EYA4: variants seen among roughly 807,000 people sequenced by gnomAD.
EYA4 encodes protein phosphatase EYA4.
In EYA4, 31 loss-of-function variants were observed where a neutral mutation model predicts 87.9. The ratio of observed to expected loss-of-function variants is 0.35; its 90% CI spans 0.27 to 0.48. The LOEUF (loss-of-function observed/expected upper bound fraction) is 0.48, where lower values mean the gene tolerates loss of function less well. Ranked by LOEUF, EYA4 falls within the 20% of genes least tolerant of loss-of-function variation. The probability of loss-of-function intolerance (pLI) is 0.99; values close to 1 mark genes in which losing one functional copy is unlikely to be tolerated. For synonymous variants in EYA4, 263 were observed against 270.6 expected (o/e 0.97, Z 0.28); for missense variants, 678 against 761.4 (o/e 0.89, Z 1.29).
intron 11 of EYA4, among the ~76,000 whole-genome samples, chr6:133,477,332 C>T (rs1490332721): frequency 6.6e-6 from 1 of 152,036 alleles, no homozygotes; most frequent in Non-Finnish European, 1.5e-5. Flanking sequence ...GGTGGTATCT[C>T]ATTGTAGTTT....
intron 3 of EYA4, among the ~76,000 whole-genome samples, chr6:133,443,681 A>C (rs1300912026): frequency 6.6e-6 from 1 of 152,046 alleles, no homozygotes; most frequent in Non-Finnish European, 1.5e-5. Flanking sequence ...ATTAATCACT[A>C]CTTTATTTAC....
At chr6:133,477,755 T>A (rs2128698490) in intron 11 of EYA4, among the ~76,000 whole-genome samples, 1 of 152,056 alleles carries the variant, frequency 6.6e-6, no homozygotes, top group South Asian at 2.1e-4. Context: ...AGTTTCTCCA[T>A]TATTAAAAGA....
At chr6:133,493,209 A>T (rs1406166114) in intron 13 of EYA4, among the ~76,000 whole-genome samples, 3 of 152,244 alleles carry the variant, frequency 2.0e-5, no homozygotes, top group Admixed American at 6.5e-5. Context: ...ACACAAAGTG[A>T]TAGTAACAAA....
At chr6:133,243,654 C>CTT (rs200732942) in intron 1 of EYA4, among the ~76,000 whole-genome samples, 25,933 of 134,060 alleles carry the variant, frequency 0.19, 2,565 homozygotes, top group Non-Finnish European at 0.22. Flanking sequence ...GAATCAGTGC[C>CTT]TTTTTTTTTT....
intron 2 of EYA4, among the ~76,000 whole-genome samples, chr6:133,299,629 G>A (rs1331022233): frequency 1.3e-5 from 2 of 151,548 alleles, no homozygotes; most frequent in South Asian, 2.1e-4. Flanking sequence ...GGAGAATGGC[G>A]TGAACCCGGG....
At chr6:133,350,762 A>G (rs1217328638) in intron 2 of EYA4, among the ~76,000 whole-genome samples, 1 of 152,034 alleles carries the variant, frequency 6.6e-6, no homozygotes, top group Non-Finnish European at 1.5e-5. Flanking sequence ...TGTGCTATTA[A>G]TCCAGTCCAA....
chr6:133,378,519 T>C (rs998770113), intron 2 of EYA4, among the ~76,000 whole-genome samples: 2 of 152,086 alleles, frequency 1.3e-5, no homozygotes, highest in South Asian at 2.1e-4. Context: ...TGTTTATGAA[T>C]TTTAGGTTCT....
intron 18 of EYA4, 28 bp downstream of exon 18, chr6:133,523,205 G>A: frequency 6.2e-7 from 1 of 1,607,228 alleles, no homozygotes; most frequent in Non-Finnish European, 8.5e-7. Flanking sequence ...AACTCTGTAT[G>A]GAATGTGTCC....
In EYA4 at chr6:133,519,678, CAG is replaced by C. The variant is rs969621670; in HGVS notation, c.1617-3374_1617-3373del. 2.2e-4 allele frequency among the ~76,000 whole-genome samples: 32 copies of C among 146,272 alleles called. 1 individual carries two copies. Among genetic ancestry groups the C allele is most frequent in the Non-Finnish European group, 7.6e-5 (5 of 66,162 alleles). The stretch of plus-strand genomic sequence containing the variant: ...GCATCATTCTGATACCAAAGCCAGG[CAG>C]AGACACAACAAAAAAAGAGAATTTT... On this transcript the variant is annotated intron_variant, in intron 17 of 19. Coordinates refer to ENST00000355286, the MANE Select transcript of EYA4 (RefSeq NM_004100.5).
rs115605912 is a variant in EYA4 at position 133,391,609 on chromosome 6, C to A, written c.83+9168C>A. ...GCTCCTGATTTTATACATTTGACTT[C>A]TTTAGCCACCTAGATAATAGATTCC... On this transcript the variant is annotated intron_variant, in intron 3 of 19. Coordinates refer to ENST00000355286, the MANE Select transcript of EYA4 (RefSeq NM_004100.5). Among the ~76,000 whole-genome samples, 888 of 152,252 alleles carry A rather than the reference C, an allele frequency of 5.8e-3. 7 individuals are homozygous for A. The highest frequency in any genetic ancestry group is 0.021 in the African/African-American group (857 of 41,558).
chr6:133,293,824 C>G (rs1778688409), intron 2 of EYA4, among the ~76,000 whole-genome samples: 1 of 151,316 alleles, frequency 6.6e-6, no homozygotes, highest in East Asian at 1.9e-4. Context: ...GTAGTACCAG[C>G]TACTTGGGAG....
intron 3 of EYA4, among the ~76,000 whole-genome samples, chr6:133,413,783 G>A (rs1789460348): frequency 1.3e-5 from 2 of 152,032 alleles, no homozygotes; most frequent in South Asian, 4.2e-4. Context: ...GCTGACTGCT[G>A]GATATCTCTA....
At chr6:133,252,891 T>G (rs1364129059) in intron 1 of EYA4, among the ~76,000 whole-genome samples, 1 of 151,628 alleles carries the variant, frequency 6.6e-6, no homozygotes, top group Non-Finnish European at 1.5e-5. Context: ...CCTGGAGATT[T>G]CACATCATTT....
intron 2 of EYA4, among the ~76,000 whole-genome samples, chr6:133,322,500 A>G (rs1781168032): frequency 6.6e-6 from 1 of 152,232 alleles, no homozygotes; most frequent in African/African-American, 2.4e-5. Context: ...GAGCTGAGAA[A>G]GAAATGTGTG....
intron 3 of EYA4, among the ~76,000 whole-genome samples, chr6:133,425,438 C>T (rs1289837697): frequency 6.9e-6 from 1 of 145,666 alleles, no homozygotes; most frequent in Admixed American, 6.7e-5. Flanking sequence ...GGTCATGACA[C>T]CCCCCCAACC....
At chr6:133,296,135 A>G (rs1778928273) in intron 2 of EYA4, among the ~76,000 whole-genome samples, 1 of 152,186 alleles carries the variant, frequency 6.6e-6, no homozygotes, top group Non-Finnish European at 1.5e-5. Flanking sequence ...ACAGCCTACA[A>G]GCAAAAGGAG....
intron 2 of EYA4, among the ~76,000 whole-genome samples, chr6:133,294,194 A>C (rs1245354547): frequency 6.6e-6 from 1 of 150,396 alleles, no homozygotes; most frequent in Admixed American, 6.6e-5. Flanking sequence ...TCCCTGGCAA[A>C]CTATTCACAG....
intron 3 of EYA4, among the ~76,000 whole-genome samples, chr6:133,399,973 G>T (rs1788119404): frequency 1.3e-5 from 2 of 152,152 alleles, no homozygotes; most frequent in South Asian, 4.1e-4. Flanking sequence ...GTGAACTAGG[G>T]TTTTCAAATT....
intron 3 of EYA4, among the ~76,000 whole-genome samples, chr6:133,403,397 G>A (rs1456246739): frequency 6.6e-6 from 1 of 152,090 alleles, no homozygotes; most frequent in Non-Finnish European, 1.5e-5. Flanking sequence ...CAAAGACCTA[G>A]CCTAAACAAT....
Sources: gnomAD v4.1 joint callset for allele counts (sites outside exome capture counted in the v4.1 genomes callset) on GRCh38, gnomAD v4.1.1 for gene constraint, MANE v1.5 for transcripts, NCBI Gene and HGNC (gene_info 2026-07-23, HGNC 2026-07-21) for gene names.